EFL1: variants seen among roughly 807,000 people sequenced by gnomAD.
The protein encoded by EFL1 is elongation factor like GTPase 1, also known as elongation factor-like GTPase 1.
Under a neutral mutation model 126.7 loss-of-function variants are expected in EFL1, and 76 were observed. That is an observed-to-expected ratio of 0.60 (90% confidence interval 0.50 to 0.73). The LOEUF (loss-of-function observed/expected upper bound fraction) is 0.73. Among genes scored for constraint, EFL1 ranks in the 30% least tolerant of loss-of-function variants. EFL1 has a pLI of 0.00. For missense variants in EFL1, 1,128 were observed against 1,343.2 expected, an observed-to-expected ratio of 0.84 and a Z score of 2.50; for synonymous variants, 410 against 448.4, an observed-to-expected ratio of 0.91 and a Z score of 1.08.
At chr15:82,164,706 G>A (rs1245233799) in intron 15 of EFL1, among the ~76,000 whole-genome samples, 2 of 151,694 alleles carry the variant, frequency 1.3e-5, no homozygotes, top group South Asian at 4.2e-4. Context: ...GACTATCCTG[G>A]CTAACACGGT....
At chr15:82,256,470 A>C (rs920907895) in intron 3 of EFL1, among the ~76,000 whole-genome samples, 2 of 151,946 alleles carry the variant, frequency 1.3e-5, no homozygotes, top group African/African-American at 2.4e-5. Context: ...TTTTCTTTCC[A>C]GCTTTATCAC....
At chr15:82,239,766 GA>G (rs2141325827) in intron 6 of EFL1, among the ~76,000 whole-genome samples, 1 of 152,142 alleles carries the variant, frequency 6.6e-6, no homozygotes, top group South Asian at 2.1e-4. Context: ...CTTCTCTTTT[GA>G]ATGTCCTTTT....
In EFL1 at chr15:82,219,752, G is replaced by T. The variant is rs376776701; in HGVS notation, c.1511C>A (p.Ser504Tyr). 1.4e-5 allele frequency: 23 copies of T among 1,613,878 alleles called. No homozygotes were observed. In the African/African-American group the frequency reaches 2.4e-4, roughly 17 times the overall value. The stretch of plus-strand genomic sequence containing the variant: ...GAACACCCGAGCAAATGCAATAAAA[G>T]ACTCTTGGTTGTTTTCTTCCTGGAG... ...PVLQEENNQE[S>Y]FIAFARVFSG... Residue 504 changes from serine (S) to tyrosine (Y), a missense_variant, in exon 14 of 20, where the codon TCT becomes TAT. Transcript: ENST00000268206.
At chr15:82,177,719 T>C (rs74887256) in intron 15 of EFL1, among the ~76,000 whole-genome samples, 177 of 152,306 alleles carry the variant, frequency 1.2e-3, no homozygotes, top group African/African-American at 4.0e-3. Flanking sequence ...CTTTATTTAT[T>C]TATTAAAAAA....
intron 18 of EFL1, among the ~76,000 whole-genome samples, chr15:82,150,006 T>C (rs933605329): frequency 5.3e-5 from 8 of 152,128 alleles, no homozygotes; most frequent in East Asian, 1.9e-4. Context: ...TCAATGAAAA[T>C]GAAAAATAGC....
intron 15 of EFL1, among the ~76,000 whole-genome samples, chr15:82,171,781 T>A (rs1416787825): frequency 6.6e-6 from 1 of 152,122 alleles, no homozygotes. Flanking sequence ...ACCAAAGTGA[T>A]AGAATCCATA....
intron 15 of EFL1, among the ~76,000 whole-genome samples, chr15:82,194,467 A>G (rs1167093244): frequency 1.3e-5 from 2 of 152,344 alleles, no homozygotes; most frequent in Non-Finnish European, 2.9e-5. Flanking sequence ...AAACACAAAA[A>G]GCAGCTACTA....
At chr15:82,167,128 T>C (rs1377286910) in intron 15 of EFL1, among the ~76,000 whole-genome samples, 1 of 152,200 alleles carries the variant, frequency 6.6e-6, no homozygotes, top group African/African-American at 2.4e-5. Flanking sequence ...AAAAAGTACA[T>C]GTGATTTACA....
At chr15:82,219,892 G>A in intron 13 of EFL1, 74 bp from the exon 14 acceptor site, 1 of 1,519,988 alleles carries the variant, frequency 6.6e-7, no homozygotes, top group African/African-American at 1.4e-5. Context: ...TATAGAAGGA[G>A]GAGTGAATAT....
intron 4 of EFL1, among the ~76,000 whole-genome samples, chr15:82,245,434 C>A (rs2074963202): frequency 6.6e-6 from 1 of 152,092 alleles, no homozygotes; most frequent in African/African-American, 2.4e-5. Flanking sequence ...GCCACTGCAC[C>A]TGGTTTCCTT....
At chr15:82,221,991 C>G (rs1242315486) in intron 12 of EFL1, among the ~76,000 whole-genome samples, 3 of 152,206 alleles carry the variant, frequency 2.0e-5, no homozygotes, top group Non-Finnish European at 2.9e-5. Context: ...CCTTTGACAA[C>G]TTTCCTTGTT....
At chr15:82,143,711 C>G (rs74343489) in intron 18 of EFL1, among the ~76,000 whole-genome samples, 1 of 152,106 alleles carries the variant, frequency 6.6e-6, no homozygotes, top group East Asian at 1.9e-4. Flanking sequence ...AGGTCAAACC[C>G]ACTGTGGAAA....
intron 15 of EFL1, among the ~76,000 whole-genome samples, chr15:82,191,307 T>C (rs1239469696): frequency 3.3e-5 from 5 of 152,172 alleles, no homozygotes; most frequent in African/African-American, 7.2e-5. Flanking sequence ...AAAAGAAAGT[T>C]TAAAGTTTCA....
Position 82,261,726 on chromosome 15 carries a change from T to C in EFL1, c.53A>G (p.Asn18Ser), listed in dbSNP as rs941594398. Residue 18 changes from asparagine to serine, a missense_variant, in exon 2 of 20, where the codon AAC becomes AGC. Physicochemically the swap from Asn to Ser is conservative, Grantham distance 46 (BLOSUM62 1). Around this residue, in one of 6 missense-constraint regions of EFL1, gnomAD observed 118 missense variants for 188.1 expected, o/e 0.63. Coordinates refer to ENST00000268206, the MANE Select transcript of EFL1 (RefSeq NM_024580.6). ...KMIQLQKNTA[N>S]IRNICVLAHV... ...AGCCAAAACACAAATATTCCTGATG[T>C]TGGCAGTGTTTTTCTGGAGTTGAAT... 2 of 1,614,036 alleles carry C rather than the reference T, an allele frequency of 1.2e-6. No homozygotes were observed. The highest frequency in any genetic ancestry group is 1.7e-5 in the Admixed American group (1 of 59,996).
At position 82,138,729 on chromosome 15, in the gene EFL1, C is replaced by G; in HGVS notation, c.3103G>C (p.Gly1035Arg). ...CTCTTCCTGATTTCATCAGCAAAAC[C>G]AAAGCTTTCAGCAACAGGCAGCACA... is the stretch of plus-strand genomic sequence containing the variant. ...KAVLPVAESF[G>R]FADEIRKRTS... is the part of the protein sequence containing the mutation. The change falls in exon 19 of 20, where the codon GGT (glycine) becomes CGT (arginine). Residue 1035 changes from glycine (G) to arginine (R), a missense_variant. Coordinates refer to ENST00000268206, the MANE Select transcript of EFL1 (RefSeq NM_024580.6). 6.2e-7 allele frequency: 1 copy of G among 1,614,006 alleles called. No individual in the cohort carries two copies. Among genetic ancestry groups the G allele is most frequent in the South Asian group, 1.1e-5 (1 of 91,080 alleles).
At chr15:82,179,227 C>T (rs1258828756) in intron 15 of EFL1, among the ~76,000 whole-genome samples, 2 of 152,096 alleles carry the variant, frequency 1.3e-5, no homozygotes, top group African/African-American at 2.4e-5. Context: ...TCCTAGTATA[C>T]TCAGGTAATG....
intron 14 of EFL1, among the ~76,000 whole-genome samples, chr15:82,217,394 A>AC (rs909060087): frequency 1.3e-5 from 2 of 150,034 alleles, no homozygotes; most frequent in Non-Finnish European, 3.0e-5. Context: ...AAAAAAAAAA[A>AC]ACGAAAACAG....
chr15:82,218,124 G>A (rs1240971754), intron 14 of EFL1, among the ~76,000 whole-genome samples: 2 of 152,160 alleles, frequency 1.3e-5, no homozygotes, highest in Non-Finnish European at 2.9e-5. Context: ...AGACCCTAAG[G>A]AGAAGATGTG....
intron 17 of EFL1, among the ~76,000 whole-genome samples, chr15:82,153,014 T>G (rs368386904): frequency 3.2e-4 from 48 of 152,360 alleles, no homozygotes; most frequent in Admixed American, 6.5e-4. Flanking sequence ...CCTTGAAATG[T>G]GGCTAGTACA....
Sources: allele counts gnomAD v4.1 joint callset (sites outside exome capture counted in the v4.1 genomes callset), GRCh38; gene constraint gnomAD v4.1.1; regional missense constraint gnomAD v4.1.1; transcripts MANE v1.5; gene names NCBI Gene and HGNC (gene_info 2026-07-23, HGNC 2026-07-21).